The following MTHFD1L variants were observed in gnomAD, a reference collection of about 807,000 sequenced individuals.
The protein encoded by MTHFD1L is methylenetetrahydrofolate dehydrogenase (NADP+ dependent) 1 like, also known as monofunctional C1-tetrahydrofolate synthase, mitochondrial.
In MTHFD1L, 81 loss-of-function variants were observed where a neutral mutation model predicts 119.5. That is an observed-to-expected ratio of 0.68 (90% CI 0.57 to 0.82). The LOEUF is 0.82. MTHFD1L is among the 40% of genes least tolerant of loss of function. The probability of loss-of-function intolerance (pLI) is 0.00; values close to 1 mark genes in which losing one functional copy is unlikely to be tolerated. For missense variants in MTHFD1L, 1,125 were observed against 1,253.4 expected (o/e 0.90, Z 1.55); for synonymous variants, 430 against 475.2 (o/e 0.90, Z 1.24).
chr6:150,941,494 C>T lies in MTHFD1L; in HGVS notation c.1440+2749C>T, dbSNP rs530857068. On this transcript the variant is annotated intron_variant, in intron 13 of 27. Coordinates refer to ENST00000367321, the MANE Select transcript of MTHFD1L (RefSeq NM_015440.5). Reference sequence around the variant, plus strand: ...AGGACCAGGGGCCTCTCAGTAGACACGATGAATCCAGGAGGAAGACTATGG... The same window carrying T: ...AGGACCAGGGGCCTCTCAGTAGACATGATGAATCCAGGAGGAAGACTATGG... 2.1e-3 allele frequency among the ~76,000 whole-genome samples: 313 copies of T among 152,188 alleles called. 2 individuals carry two copies. The highest frequency in any genetic ancestry group is 7.2e-3 in the African/African-American group (300 of 41,520).
At chr6:150,878,906 A>T (rs1780909805) in intron 4 of MTHFD1L, among the ~76,000 whole-genome samples, 1 of 152,150 alleles carries the variant, frequency 6.6e-6, no homozygotes, top group East Asian at 1.9e-4. Flanking sequence ...GCTCAGGTAA[A>T]GTTCGTTGTC....
intron 12 of MTHFD1L, among the ~76,000 whole-genome samples, chr6:150,937,880 A>G (rs538246314): frequency 6.6e-6 from 1 of 152,336 alleles, no homozygotes; most frequent in African/African-American, 2.4e-5. Flanking sequence ...CTGCTTTAGG[A>G]AAGAGCAGTC....
At chr6:150,988,459 A>G (rs1195023409) in intron 20 of MTHFD1L, among the ~76,000 whole-genome samples, 6 of 152,248 alleles carry the variant, frequency 3.9e-5, no homozygotes, top group African/African-American at 1.4e-4. Flanking sequence ...CTGTTCTTAC[A>G]CAAAGAAAAC....
intron 26 of MTHFD1L, among the ~76,000 whole-genome samples, chr6:151,049,363 A>T (rs374825707): frequency 2.0e-5 from 3 of 152,110 alleles, no homozygotes; most frequent in Non-Finnish European, 4.4e-5. Context: ...GTGGTGGCAG[A>T]CGCCTGTAGT....
intron 20 of MTHFD1L, among the ~76,000 whole-genome samples, chr6:150,988,437 T>G (rs1325527928): frequency 6.6e-6 from 1 of 152,228 alleles, no homozygotes; most frequent in Non-Finnish European, 1.5e-5. Context: ...TTGGTATAAT[T>G]ACAATATTGT....
chr6:151,041,667 C>T (rs1479422788), intron 26 of MTHFD1L: 3 of 396,096 alleles, frequency 7.6e-6, no homozygotes, highest in African/African-American at 2.1e-5. Flanking sequence ...AAGATTCAGT[C>T]CTTCCCTCAC....
At chr6:151,097,807 A>G (rs1054764995) in intron 27 of MTHFD1L, among the ~76,000 whole-genome samples, 7 of 152,216 alleles carry the variant, frequency 4.6e-5, no homozygotes, top group Non-Finnish European at 8.8e-5. Context: ...AAGATAATGG[A>G]CACCCCAGGT....
intron 24 of MTHFD1L, among the ~76,000 whole-genome samples, chr6:151,018,286 G>A (rs1374032942): frequency 6.6e-6 from 1 of 152,188 alleles, no homozygotes; most frequent in South Asian, 2.1e-4. Flanking sequence ...TAAATCAATA[G>A]CATAAGTGAA....
intron 20 of MTHFD1L, among the ~76,000 whole-genome samples, chr6:150,974,894 G>A (rs879455617): frequency 2.6e-5 from 4 of 151,910 alleles, no homozygotes; most frequent in Non-Finnish European, 4.4e-5. Flanking sequence ...GCACCACCAC[G>A]CCCAGCTAAT....
At chr6:151,081,051 G>A (rs982902883) in intron 26 of MTHFD1L, among the ~76,000 whole-genome samples, 2 of 152,130 alleles carry the variant, frequency 1.3e-5, no homozygotes, top group African/African-American at 4.8e-5. Flanking sequence ...GGGTTTTGAG[G>A]GGATGCAGTT....
At chr6:151,055,118 T>G (rs1789675965) in intron 26 of MTHFD1L, 1 of 151,886 alleles carries the variant, frequency 6.6e-6, no homozygotes, top group Admixed American at 6.6e-5. Context: ...ATACAAAAAT[T>G]AGCCGGGCAT....
chr6:150,970,541 C>T (rs1797873318), intron 19 of MTHFD1L, among the ~76,000 whole-genome samples: 1 of 152,122 alleles, frequency 6.6e-6, no homozygotes, highest in Admixed American at 6.5e-5. Context: ...TATTTAAGTG[C>T]TTAGAACTCT....
At chr6:150,903,223 T>C (rs1448098513) in intron 7 of MTHFD1L, among the ~76,000 whole-genome samples, 4 of 137,508 alleles carry the variant, frequency 2.9e-5, no homozygotes, top group Non-Finnish European at 4.7e-5. Context: ...TTTTTTTTTT[T>C]TTTTTTTTTT....
intron 26 of MTHFD1L, among the ~76,000 whole-genome samples, chr6:151,080,455 G>C (rs1223140273): frequency 6.6e-6 from 1 of 152,130 alleles, no homozygotes; most frequent in African/African-American, 2.4e-5. Flanking sequence ...GTGCCCACCT[G>C]GTCCTTTCAT....
chr6:151,058,755 T>G (rs1790290171), intron 26 of MTHFD1L, among the ~76,000 whole-genome samples: 1 of 152,230 alleles, frequency 6.6e-6, no homozygotes, highest in South Asian at 2.1e-4. Flanking sequence ...CCCTGTGGTA[T>G]GGACCAAAGG....
At chr6:150,951,861 T>C (rs745575932) in intron 16 of MTHFD1L, among the ~76,000 whole-genome samples, 3 of 152,138 alleles carry the variant, frequency 2.0e-5, no homozygotes, top group African/African-American at 2.4e-5. Context: ...TTACTGATGA[T>C]AGGAAAATCA....
chr6:151,028,356 C>G (rs1041980124), intron 24 of MTHFD1L, among the ~76,000 whole-genome samples: 3 of 152,114 alleles, frequency 2.0e-5, no homozygotes, highest in African/African-American at 4.8e-5. Context: ...AGCAGGGACT[C>G]AAGCAGGTAC....
Position 150,971,978 on chromosome 6 carries a change from T to C in MTHFD1L, c.2045T>C (p.Phe682Ser), listed in dbSNP as rs756792803. Residue 682 changes from phenylalanine (F) to serine (S), a missense_variant, in exon 20 of 28, where the codon TTT becomes TCT. Transcript: ENST00000367321. ...GTPVFVHAGPFANIAHGNSSV... is the reference protein window; with the variant it reads ...GTPVFVHAGPSANIAHGNSSV... ...CCTGTGTTCGTGCATGCGGGCCCTTTTGCTAACATTGCTCACGGCAACTCT... is the reference window on the plus strand; with the variant it reads ...CCTGTGTTCGTGCATGCGGGCCCTTCTGCTAACATTGCTCACGGCAACTCT... 1.2e-6 allele frequency: 2 copies of C among 1,614,186 alleles called. No individual in the cohort carries two copies. The highest frequency in any genetic ancestry group is 8.5e-7 in the Non-Finnish European group (1 of 1,180,020).
intron 26 of MTHFD1L, among the ~76,000 whole-genome samples, chr6:151,065,773 G>A (rs906253597): frequency 2.6e-5 from 4 of 152,208 alleles, no homozygotes; most frequent in African/African-American, 9.6e-5. Context: ...CTGTGCATAG[G>A]GCAGGAGCAG....
Sources: gnomAD v4.1 joint callset for allele counts (sites outside exome capture counted in the v4.1 genomes callset) on GRCh38, gnomAD v4.1.1 for gene constraint, MANE v1.5 for transcripts, NCBI Gene and HGNC (gene_info 2026-07-23, HGNC 2026-07-21) for gene names.